IGSF21: variants seen among roughly 807,000 people sequenced by gnomAD.
IGSF21 encodes the protein immunoglobulin superfamily member 21.
A neutral mutation model predicts 46.8 loss-of-function variants in IGSF21; 28 were observed. That is an observed-to-expected ratio of 0.60 (90% CI 0.44 to 0.82). The LOEUF is 0.82. Ranked by LOEUF, IGSF21 falls within the 40% of genes least tolerant of loss-of-function variation. IGSF21 has a pLI of 0.00. For missense variants in IGSF21, 624 were observed against 665.5 expected (o/e 0.94, Z 0.69); for synonymous variants, 284 against 273.6 (o/e 1.04, Z -0.38).
intron 1 of IGSF21, among the ~76,000 whole-genome samples, chr1:18,164,490 A>G (rs2086658861): frequency 6.6e-6 from 1 of 151,666 alleles, no homozygotes; most frequent in Non-Finnish European, 1.5e-5. Context: ...AGGTTGTACA[A>G]TTTACGCTCC....
chr1:18,125,546 G>C (rs1257431532), intron 1 of IGSF21, among the ~76,000 whole-genome samples: 1 of 152,196 alleles, frequency 6.6e-6, no homozygotes, highest in African/African-American at 2.4e-5. Context: ...ACCTGCTCAG[G>C]GAAGGAAGGG....
At chr1:18,296,608 CAG>C (rs1276852060) in intron 3 of IGSF21, among the ~76,000 whole-genome samples, 4 of 152,178 alleles carry the variant, frequency 2.6e-5, no homozygotes, top group African/African-American at 9.7e-5. Flanking sequence ...AGGGAAAGGT[CAG>C]AGAGTCCTTC....
intron 1 of IGSF21, among the ~76,000 whole-genome samples, chr1:18,159,838 C>T (rs751967475): frequency 1.2e-4 from 18 of 152,206 alleles, no homozygotes; most frequent in Non-Finnish European, 2.2e-4. Context: ...CCCAGCACCA[C>T]GCCCGGCTAA....
chr1:18,376,798 A>G lies in IGSF21; in HGVS notation c.1102-2A>G. On this transcript the variant is annotated splice_acceptor_variant, in intron 7 of 9. Transcript: ENST00000251296. LOFTEE classifies it high-confidence loss of function. ...CCACCTCTCCCCTGATCTGGCCAACAGAACGAAGTCTTCCCGGAGCCCATG... is the reference window on the plus strand; with the variant it reads ...CCACCTCTCCCCTGATCTGGCCAACGGAACGAAGTCTTCCCGGAGCCCATG... 1 of 1,582,616 alleles carries G rather than the reference A, an allele frequency of 6.3e-7. No individual in the cohort carries two copies. The highest frequency in any genetic ancestry group is 1.3e-5 in the African/African-American group (1 of 74,596).
At chr1:18,253,020 C>T (rs1054683853) in intron 2 of IGSF21, among the ~76,000 whole-genome samples, 2 of 152,144 alleles carry the variant, frequency 1.3e-5, no homozygotes, top group Admixed American at 1.3e-4. Flanking sequence ...CCTCTCCTCA[C>T]CTTCCCCCTC....
At chr1:18,145,229 C>A (rs981305960) in intron 1 of IGSF21, among the ~76,000 whole-genome samples, 3 of 151,912 alleles carry the variant, frequency 2.0e-5, no homozygotes, top group Admixed American at 2.0e-4. Flanking sequence ...TCCTCGGAGT[C>A]ATTTTTGTGG....
At chr1:18,341,012 C>CTCTTCTTCTTCTTCTTCT (rs10536109) in intron 4 of IGSF21, among the ~76,000 whole-genome samples, 16 of 85,090 alleles carry the variant, frequency 1.9e-4, no homozygotes, top group African/African-American at 4.1e-4. Context: ...CCTCCTTCTT[C>CTCTTCTTCTTCTTCTTCT]TCTTCTTCTT....
intron 6 of IGSF21, among the ~76,000 whole-genome samples, chr1:18,371,687 C>G (rs1222452140): frequency 1.3e-5 from 2 of 151,982 alleles, no homozygotes; most frequent in Non-Finnish European, 1.5e-5. Context: ...GAAATGGGAA[C>G]AGTGTTGGCC....
chr1:18,253,835 A>C (rs1220216904), intron 2 of IGSF21, among the ~76,000 whole-genome samples: 1 of 152,308 alleles, frequency 6.6e-6, no homozygotes, highest in African/African-American at 2.4e-5. Flanking sequence ...TAATGGAGTG[A>C]GGTTACTCAA....
chr1:18,321,601 G>T (rs914867918), intron 3 of IGSF21, among the ~76,000 whole-genome samples: 7 of 152,198 alleles, frequency 4.6e-5, no homozygotes, highest in Non-Finnish European at 1.0e-4. Context: ...CTTGGCACAT[G>T]GAGCCCTCTC....
At chr1:18,259,874 C>A (rs1192288642) in intron 2 of IGSF21, among the ~76,000 whole-genome samples, 1 of 152,150 alleles carries the variant, frequency 6.6e-6, no homozygotes, top group Non-Finnish European at 1.5e-5. Context: ...AGCATGAGTT[C>A]TTGGGCAGTA....
chr1:18,355,858 G>A (rs1269288489), intron 4 of IGSF21, among the ~76,000 whole-genome samples: 2 of 133,168 alleles, frequency 1.5e-5, no homozygotes, highest in African/African-American at 2.9e-5. Context: ...TTTTTGAGAC[G>A]GAGTTTCGCT....
chr1:18,148,993 G>A (rs2086496163), intron 1 of IGSF21, among the ~76,000 whole-genome samples: 1 of 152,192 alleles, frequency 6.6e-6, no homozygotes, highest in Admixed American at 6.5e-5. Flanking sequence ...AGTTCTTACG[G>A]TGTCAGCAAG....
chr1:18,312,306 A>G (rs909613890), intron 3 of IGSF21, among the ~76,000 whole-genome samples: 1 of 152,224 alleles, frequency 6.6e-6, no homozygotes, highest in Admixed American at 6.5e-5. Context: ...TTGTCAGGAG[A>G]TTCACTGAGA....
rs112974812 is a variant in IGSF21 at position 18,188,363 on chromosome 1, G to A, written c.71-39535G>A. On this transcript the variant is annotated intron_variant, in intron 1 of 9. Coordinates refer to ENST00000251296, the MANE Select transcript of IGSF21 (RefSeq NM_032880.5). The stretch of plus-strand genomic sequence containing the variant: ...GGAAATACAGTTTGCTGATTAGATC[G>A]CCCCCATAAAATATGGCCTTTGGGT... Among the ~76,000 whole-genome samples, 1,510 of 152,122 alleles carry A rather than the reference G, an allele frequency of 9.9e-3. 15 individuals carry two copies. The highest frequency in any genetic ancestry group is 0.037 in the Middle Eastern group (11 of 294).
rs149919917 is a variant in IGSF21, at chr1:18,309,508, T to C, written c.305+17521T>C. On this transcript the variant is annotated intron_variant, in intron 3 of 9. Transcript: ENST00000251296. ...GGTTAGGGTACTGGCCCTTCTCCAC[T>C]AGACCACACCCCCTCCTTTCCCCAT... 1.7e-3 allele frequency among the ~76,000 whole-genome samples: 256 copies of C among 152,260 alleles called. 1 individual carries two copies. Among genetic ancestry groups the C allele is most frequent in the Non-Finnish European group, 2.9e-3 (194 of 67,998 alleles).
intron 1 of IGSF21, among the ~76,000 whole-genome samples, chr1:18,147,732 C>A (rs1256306506): frequency 1.3e-5 from 2 of 152,332 alleles, no homozygotes; most frequent in East Asian, 3.9e-4. Context: ...ACATAACTTA[C>A]TGAGATTTGC....
chr1:18,348,748 A>T (rs1173549232), intron 4 of IGSF21, among the ~76,000 whole-genome samples: 1 of 152,144 alleles, frequency 6.6e-6, no homozygotes, highest in Non-Finnish European at 1.5e-5. Flanking sequence ...GAGAGAGGTG[A>T]TCCTACTGCC....
At chr1:18,283,966 C>T (rs1338456797) in intron 2 of IGSF21, among the ~76,000 whole-genome samples, 1 of 152,140 alleles carries the variant, frequency 6.6e-6, no homozygotes, top group Non-Finnish European at 1.5e-5. Flanking sequence ...GGGGATGCAA[C>T]ATTGAACAAA....
Sources: allele counts gnomAD v4.1 joint callset (sites outside exome capture counted in the v4.1 genomes callset), GRCh38; gene constraint gnomAD v4.1.1; transcripts MANE v1.5; gene names NCBI Gene and HGNC (gene_info 2026-07-23, HGNC 2026-07-21).